RAPGEF6: variants seen among roughly 807,000 people sequenced by gnomAD.
RAPGEF6 encodes Rap guanine nucleotide exchange factor 6.
A neutral mutation model predicts 171.4 loss-of-function variants in RAPGEF6; 56 were observed. The ratio of observed to expected loss-of-function variants is 0.33; its 90% confidence interval spans 0.26 to 0.41. The LOEUF (loss-of-function observed/expected upper bound fraction) is 0.41. Ranked by LOEUF, RAPGEF6 falls within the 10% of genes least tolerant of loss-of-function variation. The pLI, the probability that RAPGEF6 is intolerant of heterozygous loss-of-function variation, is 1.00. For synonymous variants in RAPGEF6, 692 were observed against 650.1 expected (o/e 1.06, Z -0.98); for missense variants, 1,674 against 1,921.4 (o/e 0.87, Z 2.41).
chr5:131,606,851 A>ATG (rs1341099941), intron 1 of RAPGEF6, among the ~76,000 whole-genome samples: 1 of 152,244 alleles, frequency 6.6e-6, no homozygotes, highest in Non-Finnish European at 1.5e-5. Flanking sequence ...GGTACTAGAT[A>ATG]TGTAAGTTAT....
chr5:131,427,034 G>T lies in RAPGEF6; in HGVS notation c.*232C>A, dbSNP rs1333714514. 1 of 550,132 alleles carries T rather than the reference G, an allele frequency of 1.8e-6. No homozygotes were observed. The highest frequency in any genetic ancestry group is 2.0e-5 in the African/African-American group (1 of 51,232). The allele number at this position is 550,132 out of a possible 1,614,324, so 34.1% of individuals were successfully genotyped here. On this transcript the variant is annotated 3_prime_UTR_variant, in exon 28 of 28. Coordinates refer to ENST00000509018, the MANE Select transcript of RAPGEF6 (RefSeq NM_016340.6). ...CCAAGGCAGTTCCGGCGTGCAAAGT[G>T]GAGACTGGTATCCAGGCATAGCATC...
chr5:131,564,320 T>C (rs1046194944), intron 4 of RAPGEF6, among the ~76,000 whole-genome samples: 7 of 152,132 alleles, frequency 4.6e-5, no homozygotes, highest in African/African-American at 1.7e-4. Flanking sequence ...TCTTGAGTCT[T>C]TGAGTGAGTA....
intron 25 of RAPGEF6, 115 bp downstream of exon 25, chr5:131,433,315 T>C: frequency 1.2e-6 from 1 of 806,958 alleles, no homozygotes; most frequent in Non-Finnish European, 2.1e-6. Flanking sequence ...ACATATTCTT[T>C]TATGGATAAC....
chr5:131,436,332 G>T, intron 24 of RAPGEF6: 1 of 1,537,554 alleles, frequency 6.5e-7, no homozygotes, highest in Non-Finnish European at 8.7e-7. Flanking sequence ...CTATTCCGGG[G>T]CAGCTCTGGC....
At chr5:131,530,219 A>G (rs1759283691) in intron 6 of RAPGEF6, among the ~76,000 whole-genome samples, 1 of 152,000 alleles carries the variant, frequency 6.6e-6, no homozygotes, top group Admixed American at 6.6e-5. Flanking sequence ...AAAAAGCATG[A>G]GCTCAGACTT....
At chr5:131,508,614 A>G (rs928194631) in intron 8 of RAPGEF6, among the ~76,000 whole-genome samples, 2 of 152,228 alleles carry the variant, frequency 1.3e-5, no homozygotes, top group African/African-American at 4.8e-5. Flanking sequence ...AATAAAATCC[A>G]AAAAGTAATT....
chr5:131,428,789 G>T, intron 27 of RAPGEF6, 113 bp downstream of exon 27: 1 of 1,173,858 alleles, frequency 8.5e-7, no homozygotes, highest in Non-Finnish European at 1.2e-6. Context: ...TTTTAACAGA[G>T]ATTCAAGGCA....
intron 21 of RAPGEF6, among the ~76,000 whole-genome samples, chr5:131,451,788 T>C (rs1470828679): frequency 2.0e-5 from 3 of 152,176 alleles, no homozygotes. Context: ...GCACAGTATA[T>C]TTTTTTAAGC....
chr5:131,528,904 G>A (rs1759174793), intron 6 of RAPGEF6, among the ~76,000 whole-genome samples: 1 of 152,142 alleles, frequency 6.6e-6, no homozygotes, highest in African/African-American at 2.4e-5. Flanking sequence ...GGTACAGTAA[G>A]ATAAGGGCAA....
At chr5:131,516,619 T>C (rs1360463052) in intron 7 of RAPGEF6, among the ~76,000 whole-genome samples, 5 of 152,202 alleles carry the variant, frequency 3.3e-5, no homozygotes, top group African/African-American at 1.2e-4. Context: ...AAAGACAACA[T>C]GCTTTTGTTC....
At chr5:131,531,275 A>G (rs1759350949) in intron 6 of RAPGEF6, among the ~76,000 whole-genome samples, 1 of 152,244 alleles carries the variant, frequency 6.6e-6, no homozygotes. Flanking sequence ...ACCATAAAAA[A>G]TCTTAATAAA....
At chr5:131,492,037 C>T (rs1756318084) in intron 14 of RAPGEF6, among the ~76,000 whole-genome samples, 1 of 152,192 alleles carries the variant, frequency 6.6e-6, no homozygotes, top group South Asian at 2.1e-4. Context: ...TACCTAATGC[C>T]TATACCAAAA....
chr5:131,630,567 A>T (rs1370564113), intron 1 of RAPGEF6, among the ~76,000 whole-genome samples: 2 of 152,240 alleles, frequency 1.3e-5, no homozygotes, highest in Non-Finnish European at 2.9e-5. Context: ...AAATTGAGAA[A>T]GAACTAGCTC....
At chr5:131,512,906 G>A (rs773159739) in intron 7 of RAPGEF6, among the ~76,000 whole-genome samples, 5 of 152,092 alleles carry the variant, frequency 3.3e-5, no homozygotes, top group Non-Finnish European at 7.3e-5. Flanking sequence ...CTGCTTGCTG[G>A]TGCCTTGATC....
intron 4 of RAPGEF6, among the ~76,000 whole-genome samples, chr5:131,587,533 G>C (rs753585802): frequency 2.0e-5 from 3 of 152,170 alleles, no homozygotes; most frequent in Admixed American, 6.5e-5. Flanking sequence ...GTAGATTTAT[G>C]TTATCTGCAC....
At chr5:131,457,753 T>C (rs1753616631) in intron 19 of RAPGEF6, among the ~76,000 whole-genome samples, 1 of 152,172 alleles carries the variant, frequency 6.6e-6, no homozygotes, top group Non-Finnish European at 1.5e-5. Flanking sequence ...GATTTTGCTA[T>C]CTGTGAGGAG....
In RAPGEF6 at chr5:131,461,707, T is replaced by C; in HGVS notation, c.2862A>G (p.Ile954Met). 3 of 1,594,588 alleles carry C rather than the reference T, an allele frequency of 1.9e-6. No homozygotes were observed. Among genetic ancestry groups the C allele is most frequent in the Non-Finnish European group, 2.6e-6 (3 of 1,166,046 alleles). ...TGTACCTATTTGTACCAACTTACCT[T>C]ATTATTGCAAACATGGAATTGAAGT... ...CKNFNSMFAIISGLNLASVAR... is the reference protein window; with the variant it reads ...CKNFNSMFAIMSGLNLASVAR... The change falls in exon 19 of 28, where the codon ATA (isoleucine) becomes ATG (methionine). Residue 954 changes from isoleucine to methionine, a missense_variant and splice_region_variant. Around this residue, in one of 3 missense-constraint regions of RAPGEF6, gnomAD observed 1,116 missense variants for 1,321.5 expected, o/e 0.84. Coordinates refer to ENST00000509018, the MANE Select transcript of RAPGEF6 (RefSeq NM_016340.6).
intron 2 of RAPGEF6, among the ~76,000 whole-genome samples, chr5:131,604,122 C>CT (rs1464675459): frequency 6.6e-6 from 1 of 152,026 alleles, no homozygotes; most frequent in Non-Finnish European, 1.5e-5. Context: ...ATCAAGATTC[C>CT]TGCTCCTTTC....
Position 131,603,339 on chromosome 5 carries a change from A to T in RAPGEF6, c.141-12T>A. On this transcript the variant is annotated splice_polypyrimidine_tract_variant and intron_variant, in intron 2 of 27. Coordinates refer to ENST00000509018, the MANE Select transcript of RAPGEF6 (RefSeq NM_016340.6). ...TTGCAGACATTAATCTATTAAAAAA[A>T]AAAATTGAAGATTTTATCTTACATT... 1 of 1,517,286 alleles carries T rather than the reference A, an allele frequency of 6.6e-7. No individual in the cohort carries two copies. The highest frequency in any genetic ancestry group is 1.7e-4 in the Middle Eastern group (1 of 5,770). The allele number at this position is 1,517,286 out of a possible 1,614,324, so 94.0% of individuals were successfully genotyped here.
Sources: allele counts gnomAD v4.1 joint callset (sites outside exome capture counted in the v4.1 genomes callset), GRCh38; gene constraint gnomAD v4.1.1; regional missense constraint gnomAD v4.1.1; transcripts MANE v1.5; gene names NCBI Gene and HGNC (gene_info 2026-07-23, HGNC 2026-07-21).